Variants in HTT observed in about 807,000 individuals in gnomAD.
HTT encodes the protein huntington disease protein.
A neutral mutation model predicts 362.3 loss-of-function variants in HTT; 104 were observed. The observed-to-expected ratio is 0.29, with a 90% CI of 0.24 to 0.34. The LOEUF (loss-of-function observed/expected upper bound fraction) is 0.34. HTT is among the 10% of genes least tolerant of loss of function. HTT has a pLI of 1.00. For synonymous variants in HTT, 1,577 were observed against 1,548.7 expected (o/e 1.02, Z -0.43); for missense variants, 3,301 against 3,928.6 (o/e 0.84, Z 4.27).
chr4:3,126,369 T>C (rs138706377), intron 11 of HTT, among the ~76,000 whole-genome samples: 4 of 152,252 alleles, frequency 2.6e-5, no homozygotes, highest in South Asian at 2.1e-4. Flanking sequence ...CAGATACTTA[T>C]CTAATGAAAT....
intron 28 of HTT, among the ~76,000 whole-genome samples, chr4:3,157,972 C>G (rs1356479854): frequency 6.6e-6 from 1 of 151,658 alleles, no homozygotes; most frequent in Non-Finnish European, 1.5e-5. Flanking sequence ...TCTGTCTGCT[C>G]ATCTATTAGA....
Position 3,099,452 on chromosome 4 carries a change from A to G in HTT, c.468+58A>G, listed in dbSNP as rs144243435. ...GCTATCATTGTTGTAGGCTGAGAGA[A>G]GAAGCGATCATTGAGTGTTCTTCTG... On this transcript the variant is annotated intron_variant, in intron 3 of 66. Coordinates refer to ENST00000355072, the MANE Select transcript of HTT (RefSeq NM_001388492.1). The G allele has an allele frequency of 1.3e-3, 2,123 of 1,602,930 alleles. 11 individuals carry two copies. Among genetic ancestry groups the G allele is most frequent in the Middle Eastern group, 5.2e-3 (31 of 6,006 alleles).
At chr4:3,169,770 C>T (rs1309112872) in intron 29 of HTT, among the ~76,000 whole-genome samples, 1 of 152,184 alleles carries the variant, frequency 6.6e-6, no homozygotes, top group African/African-American at 2.4e-5. Context: ...GATGGGGTTT[C>T]ACCATGTTGG....
At chr4:3,158,966 C>A (rs1717308067) in intron 28 of HTT, among the ~76,000 whole-genome samples, 1 of 152,176 alleles carries the variant, frequency 6.6e-6, no homozygotes, top group Non-Finnish European at 1.5e-5. Flanking sequence ...TAATTCTGGC[C>A]TCCCTGGCAT....
chr4:3,229,468 CCAGA>C (rs995083334), intron 59 of HTT, among the ~76,000 whole-genome samples: 6 of 148,008 alleles, frequency 4.1e-5, no homozygotes, highest in African/African-American at 1.5e-4. Context: ...TGTGCATGCA[CCAGA>C]CACATGGCAC....
At chr4:3,128,877 C>G (rs554667355) in intron 12 of HTT, 6 of 152,342 alleles carry the variant, frequency 3.9e-5, no homozygotes, top group Admixed American at 2.6e-4. Context: ...CCACCCATCT[C>G]TGTAACCTTT....
intron 24 of HTT, 61 bp from the exon 25 acceptor site, chr4:3,146,736 G>A (rs1377350201): frequency 6.8e-7 from 1 of 1,481,088 alleles, no homozygotes; most frequent in Non-Finnish European, 9.4e-7. Context: ...GCAAGAGAAA[G>A]GAAGACTGTT....
chr4:3,217,593 G>A (rs1454587202), intron 51 of HTT, among the ~76,000 whole-genome samples, 172 bp from the exon 52 acceptor site: 1 of 152,224 alleles, frequency 6.6e-6, no homozygotes, highest in East Asian at 1.9e-4. Context: ...GGGGAGAATT[G>A]TATGGTATAG....
chr4:3,172,862 GTGT>G, intron 30 of HTT, 43 bp from the exon 31 acceptor site: 2 of 1,274,948 alleles, frequency 1.6e-6, no homozygotes, highest in Non-Finnish European at 2.3e-6. Flanking sequence ...ATTCTTAAAA[GTGT>G]TGTTCACGCC....
intron 52 of HTT, among the ~76,000 whole-genome samples, chr4:3,219,378 C>A (rs947071672): frequency 6.6e-6 from 1 of 152,164 alleles, no homozygotes; most frequent in African/African-American, 2.4e-5. Flanking sequence ...AGGTAAAATT[C>A]CTCCAGCAAG....
chr4:3,198,215 ATTTTTTTTTTT>A (rs200014691), intron 40 of HTT, among the ~76,000 whole-genome samples: 2 of 60,336 alleles, frequency 3.3e-5, no homozygotes, highest in Admixed American at 3.6e-4. Context: ...GGATGTGTTG[ATTTTTTTTTTT>A]TTTTTTTTTT....
rs188792173 is a variant in HTT at position 3,164,087 on chromosome 4, A to T, written c.3864+3695A>T. On this transcript the variant is annotated intron_variant, in intron 29 of 66. Coordinates refer to ENST00000355072, the MANE Select transcript of HTT (RefSeq NM_001388492.1). ...TAGTGCTATAAATTTCCCTCTACAC[A>T]CTGCTTTAAATGTGTCCCAGAGATT... Among the ~76,000 whole-genome samples, 174 of 152,232 alleles carry T rather than the reference A, an allele frequency of 1.1e-3. 4 individuals carry two copies. Among genetic ancestry groups the T allele is most frequent in the Non-Finnish European group, 6.6e-4 (45 of 68,016 alleles).
intron 51 of HTT, among the ~76,000 whole-genome samples, chr4:3,216,935 G>C (rs1293817531): frequency 6.6e-6 from 1 of 150,876 alleles, no homozygotes; most frequent in Non-Finnish European, 1.5e-5. Flanking sequence ...TGAGGCAGGA[G>C]AATGGCGTGA....
chr4:3,218,896 A>G lies in HTT; in HGVS notation c.7242+944A>G, dbSNP rs1720543674. Among the ~76,000 whole-genome samples the G allele has an allele frequency of 6.6e-6, 1 of 152,162 alleles. No individual in the cohort carries two copies. Among genetic ancestry groups the G allele is most frequent in the Non-Finnish European group, 1.5e-5 (1 of 68,026 alleles). On this transcript the variant is annotated intron_variant, in intron 52 of 66. Coordinates refer to ENST00000355072, the MANE Select transcript of HTT (RefSeq NM_001388492.1). This position sits in a 1 kb window ranked among gnomAD's most constrained non-coding sequence, Gnocchi z 4.4. ...GGAGAATGGAGCCAGGTCCCAGGGA[A>G]GAGGCTTGTGGCTGCCTGAGAAGGG...
intron 26 of HTT, among the ~76,000 whole-genome samples, chr4:3,152,999 T>G (rs777249423): frequency 1.3e-5 from 2 of 152,114 alleles, no homozygotes; most frequent in Admixed American, 1.3e-4. Context: ...TTCCAGTCCA[T>G]GCACCCGATT....
At chr4:3,108,250 A>G (rs185849562) in intron 6 of HTT, among the ~76,000 whole-genome samples, 8 of 152,354 alleles carry the variant, frequency 5.3e-5, no homozygotes, top group Admixed American at 4.6e-4. Flanking sequence ...GATTTGGAAT[A>G]AACTGTTAGC....
At position 3,209,719 on chromosome 4, in the gene HTT, G is replaced by A. The variant is rs575301039; in HGVS notation, c.6292-108G>A. On this transcript the variant is annotated intron_variant, in intron 46 of 66. Coordinates refer to ENST00000355072, the MANE Select transcript of HTT (RefSeq NM_001388492.1). Reference sequence around the variant, plus strand: ...AGCCTGCCGGCCGGCAGCCCTCTCAGCCTAGTGCGGTGTTCCCAAGCACTG... The same window carrying A: ...AGCCTGCCGGCCGGCAGCCCTCTCAACCTAGTGCGGTGTTCCCAAGCACTG... The A allele has an allele frequency of 5.7e-5, 79 of 1,385,156 alleles. No individual in the cohort carries two copies. In the African/African-American group the frequency reaches 7.7e-4, roughly 14 times the overall value. 85.8% of individuals were successfully genotyped at this position (1,385,156 alleles called of 1,614,324 possible). A position where few individuals can be genotyped will look rare whatever the true frequency, so the allele number is the denominator to read the frequency against.
chr4:3,224,439 C>G (rs1398008052), intron 56 of HTT, among the ~76,000 whole-genome samples: 1 of 152,218 alleles, frequency 6.6e-6, no homozygotes, highest in Admixed American at 6.5e-5. Context: ...AGAACTCAAC[C>G]AAGTTCATCT....
chr4:3,105,613 GTCTA>G (rs1348817387), intron 5 of HTT, among the ~76,000 whole-genome samples, 177 bp downstream of exon 5: 16 of 152,190 alleles, frequency 1.1e-4, no homozygotes, highest in Admixed American at 6.5e-5. Flanking sequence ...GTCACGTACA[GTCTA>G]TCTGTGTGCT....
Sources: allele counts gnomAD v4.1 joint callset (sites outside exome capture counted in the v4.1 genomes callset), GRCh38; gene constraint gnomAD v4.1.1; non-coding constraint Gnocchi (gnomAD v3.1); transcripts MANE v1.5; gene names NCBI Gene and HGNC (gene_info 2026-07-23, HGNC 2026-07-21).